The following TJP1 variants were observed in gnomAD, a reference collection of about 807,000 sequenced individuals.
The protein encoded by TJP1 is tight junction protein 1.
A neutral mutation model predicts 194.2 loss-of-function variants in TJP1; 43 were observed. The ratio of observed to expected loss-of-function variants is 0.22; its 90% CI spans 0.17 to 0.29. TJP1 has a LOEUF of 0.29. Ranked by LOEUF, TJP1 falls within the 10% of genes least tolerant of loss-of-function variation. The pLI is 1.00. For missense variants in TJP1, 1,971 were observed against 2,185.7 expected (o/e 0.90, Z 1.96); for synonymous variants, 801 against 779.0 (o/e 1.03, Z -0.47).
chr15:29,766,623 A>G, intron 4 of TJP1, 81 bp from the exon 5 acceptor site: 1 of 1,343,402 alleles, frequency 7.4e-7, no homozygotes, highest in Non-Finnish European at 1.0e-6. Context: ...GGAATATTAC[A>G]CTTCTCATCC....
intron 2 of TJP1, among the ~76,000 whole-genome samples, chr15:29,936,906 C>G (rs2054902801): frequency 6.6e-6 from 1 of 152,158 alleles, no homozygotes. Flanking sequence ...GGCGCGTTTA[C>G]CCTGGGATCC....
intron 2 of TJP1, among the ~76,000 whole-genome samples, chr15:29,925,791 A>C (rs2054506461): frequency 6.6e-6 from 1 of 152,182 alleles, no homozygotes; most frequent in Admixed American, 6.5e-5. Flanking sequence ...TCAACACTGA[A>C]AGGGTAAAGT....
chr15:29,761,884 C>A, intron 6 of TJP1, 115 bp from the exon 7 acceptor site: 1 of 939,442 alleles, frequency 1.1e-6, no homozygotes, highest in East Asian at 2.7e-5. Flanking sequence ...CCAAAATATT[C>A]TCTCTACACT....
intron 2 of TJP1, among the ~76,000 whole-genome samples, chr15:29,886,145 ATAAACT>A (rs1431330434): frequency 5.3e-5 from 8 of 152,280 alleles, no homozygotes; most frequent in African/African-American, 1.7e-4. Context: ...TGTGCTCTAA[ATAAACT>A]TAAACATCAG....
intron 23 of TJP1, among the ~76,000 whole-genome samples, chr15:29,713,114 C>T (rs1395963418): frequency 6.6e-6 from 1 of 152,194 alleles, no homozygotes; most frequent in East Asian, 1.9e-4. Flanking sequence ...ACATCAGTCT[C>T]TCACATTTAG....
chr15:29,755,968 C>A (rs1445335224), intron 8 of TJP1, among the ~76,000 whole-genome samples: 2 of 151,932 alleles, frequency 1.3e-5, no homozygotes, highest in Non-Finnish European at 2.9e-5. Context: ...AGGTAAACAC[C>A]TGTTGTTCCC....
intron 1 of TJP1, among the ~76,000 whole-genome samples, chr15:29,809,456 G>C (rs559074411): frequency 8.7e-4 from 133 of 152,280 alleles, no homozygotes; most frequent in African/African-American, 2.9e-3. Context: ...GAAAGAGAGA[G>C]ACAGAAATGG....
At chr15:29,925,456 C>A (rs539734781) in intron 2 of TJP1, among the ~76,000 whole-genome samples, 1 of 152,268 alleles carries the variant, frequency 6.6e-6, no homozygotes, top group East Asian at 1.9e-4. Flanking sequence ...GACACTCAGG[C>A]GCTACTCCTC....
In TJP1 at chr15:29,857,485, G is replaced by A. The variant is rs192810608; in HGVS notation, c.307-56783C>T. ...TTCTTTCTCTTATATTACGTGGATC[G>A]GGCCTCAAGCCTTGGTCATCTTTCT... On this transcript the variant is annotated intron_variant, in intron 2 of 28. Coordinates refer to the TJP1 transcript ENST00000356107. Among the ~76,000 whole-genome samples the A allele has an allele frequency of 7.8e-3, 1,189 of 152,182 alleles. 15 individuals are homozygous for A. The highest frequency in any genetic ancestry group is 0.012 in the Non-Finnish European group (798 of 68,000).
intron 2 of TJP1, among the ~76,000 whole-genome samples, chr15:29,954,436 C>A (rs2055865930): frequency 6.6e-6 from 1 of 152,124 alleles, no homozygotes; most frequent in East Asian, 1.9e-4. Flanking sequence ...AGAAAAAAAG[C>A]TGATAAAATT....
At chr15:29,883,434 A>T (rs2152137997) in intron 2 of TJP1, among the ~76,000 whole-genome samples, 1 of 152,322 alleles carries the variant, frequency 6.6e-6, no homozygotes, top group South Asian at 2.1e-4. Context: ...TTTGCTCCTC[A>T]GTTGGAGGTT....
intron 1 of TJP1, among the ~76,000 whole-genome samples, chr15:29,960,416 T>C (rs1329684667): frequency 6.6e-6 from 1 of 152,056 alleles, no homozygotes. Context: ...GAGGATCTCT[T>C]GAGCCCAGAA....
At chr15:29,962,664 C>T (rs1287318142) in intron 1 of TJP1, among the ~76,000 whole-genome samples, 2 of 152,180 alleles carry the variant, frequency 1.3e-5, no homozygotes, top group African/African-American at 4.8e-5. Context: ...GGGCAGCTGG[C>T]TTTAAAAGGA....
chr15:29,788,464 C>A (rs1036104988), intron 2 of TJP1, among the ~76,000 whole-genome samples: 2 of 152,238 alleles, frequency 1.3e-5, no homozygotes, highest in Admixed American at 6.5e-5. Flanking sequence ...ACCTATGGTT[C>A]ATTTAAACTT....
intron 2 of TJP1, among the ~76,000 whole-genome samples, chr15:29,927,641 A>G (rs1034884598): frequency 1.3e-5 from 2 of 152,332 alleles, no homozygotes; most frequent in South Asian, 2.1e-4. Context: ...GAAGATGGTA[A>G]AGAATGGCCA....
chr15:29,855,821 A>AC, intron 2 of TJP1, among the ~76,000 whole-genome samples: 2 of 151,708 alleles, frequency 1.3e-5, no homozygotes, highest in South Asian at 4.2e-4. Flanking sequence ...ACAACACTGC[A>AC]CTCCAGCCTG....
intron 2 of TJP1, among the ~76,000 whole-genome samples, chr15:29,910,189 G>A (rs1338039119): frequency 6.6e-6 from 1 of 152,226 alleles, no homozygotes; most frequent in East Asian, 1.9e-4. Flanking sequence ...ATAGCCGGCA[G>A]TAGAAACAGA....
chr15:29,870,961 G>T (rs925290829), intron 2 of TJP1, among the ~76,000 whole-genome samples: 1 of 152,206 alleles, frequency 6.6e-6, no homozygotes, highest in African/African-American at 2.4e-5. Context: ...AGGTCACGAG[G>T]GAACTGGCGG....
At chr15:29,778,360 T>C (rs1293820246) in intron 2 of TJP1, among the ~76,000 whole-genome samples, 1 of 152,032 alleles carries the variant, frequency 6.6e-6, no homozygotes, top group Admixed American at 6.6e-5. Flanking sequence ...CCCCAGGTGA[T>C]TCTAATGAGC....
Sources: allele counts gnomAD v4.1 joint callset (sites outside exome capture counted in the v4.1 genomes callset), GRCh38; gene constraint gnomAD v4.1.1; transcripts MANE v1.5; gene names NCBI Gene and HGNC (gene_info 2026-07-23, HGNC 2026-07-21).